Variants in SAMD13 observed in about 807,000 individuals in gnomAD.
SAMD13 encodes the protein sterile alpha motif domain containing 13.
SAMD13 carries 9 observed loss-of-function variants against 12.4 expected under a neutral mutation model. That is an observed-to-expected ratio of 0.72 (90% CI 0.44 to 1.26). SAMD13 has a LOEUF of 1.26. Ranked by LOEUF, SAMD13 falls within the 50% of genes most tolerant of loss-of-function variation. The pLI, the probability that SAMD13 is intolerant of heterozygous loss-of-function variation, is 0.00. For missense variants in SAMD13, 84 were observed against 119.6 expected (o/e 0.70, Z 1.39); for synonymous variants, 46 against 45.4 (o/e 1.01, Z -0.05).
Position 84,301,736 on chromosome 1 carries a change from A to G in SAMD13, c.-98A>G, listed in dbSNP as rs954905796. ...TTGCCAGCCTACTTTGTGAAAGAAAACATTGGGGTTTCTTTGGCTGTTCTT... is the reference window on the plus strand; with the variant it reads ...TTGCCAGCCTACTTTGTGAAAGAAAGCATTGGGGTTTCTTTGGCTGTTCTT... On this transcript the variant is annotated 5_prime_UTR_variant, in exon 1 of 4. Coordinates refer to ENST00000394834, the MANE Select transcript of SAMD13 (RefSeq NM_001134663.2). 1.0e-6 allele frequency: 1 copy of G among 985,246 alleles called. No individual in the cohort carries two copies. The highest frequency in any genetic ancestry group is 1.7e-5 in the African/African-American group (1 of 57,206). 61.0% of individuals were successfully genotyped at this position (985,246 alleles called of 1,614,324 possible).
chr1:84,346,791 T>C (rs1004656234), intron 3 of SAMD13, among the ~76,000 whole-genome samples: 1 of 152,232 alleles, frequency 6.6e-6, no homozygotes, highest in Non-Finnish European at 1.5e-5. Flanking sequence ...GTGTACAATT[T>C]TTATGAAACG....
intron 3 of SAMD13, among the ~76,000 whole-genome samples, chr1:84,328,729 ATCATCCT>A (rs1395736849): frequency 1.3e-5 from 2 of 152,180 alleles, no homozygotes; most frequent in African/African-American, 4.8e-5. Context: ...GCACCCACTC[ATCATCCT>A]GATTAGAAAA....
At chr1:84,302,680 G>A in intron 1 of SAMD13, 1 of 986,100 alleles carries the variant, frequency 1.0e-6, no homozygotes, top group Non-Finnish European at 1.2e-6. Context: ...GGCTTTCGTT[G>A]AGAATGTGAG....
chr1:84,304,646 G>A (rs1678527251), intron 2 of SAMD13, among the ~76,000 whole-genome samples: 1 of 151,848 alleles, frequency 6.6e-6, no homozygotes, highest in Non-Finnish European at 1.5e-5. Flanking sequence ...ACGACCTTTT[G>A]TAATCTCTCC....
At chr1:84,344,440 G>A (rs1276425399) in intron 3 of SAMD13, among the ~76,000 whole-genome samples, 1 of 152,152 alleles carries the variant, frequency 6.6e-6, no homozygotes, top group Non-Finnish European at 1.5e-5. Context: ...TGAGCTCATA[G>A]TCACTCCACC....
At chr1:84,335,697 C>CTTAT (rs1325347257) in intron 3 of SAMD13, among the ~76,000 whole-genome samples, 6 of 152,154 alleles carry the variant, frequency 3.9e-5, no homozygotes, top group Non-Finnish European at 8.8e-5. Flanking sequence ...CTTTCCTCTC[C>CTTAT]TTATTTAGCA....
At chr1:84,302,547 C>T (rs766150570) in intron 1 of SAMD13, 6 of 199,192 alleles carry the variant, frequency 3.0e-5, no homozygotes, top group Admixed American at 3.0e-4. Context: ...CACATACACA[C>T]ACACACACAC....
chr1:84,323,665 G>T (rs1678996123), intron 2 of SAMD13, among the ~76,000 whole-genome samples: 1 of 152,080 alleles, frequency 6.6e-6, no homozygotes, highest in East Asian at 1.9e-4. Flanking sequence ...TTATGCTGGG[G>T]GATGAGGTGG....
intron 3 of SAMD13, among the ~76,000 whole-genome samples, chr1:84,329,126 G>A (rs1479964193): frequency 6.6e-6 from 1 of 152,060 alleles, no homozygotes; most frequent in Non-Finnish European, 1.5e-5. Flanking sequence ...CCCCCATGAT[G>A]AGATCAATGC....
intron 3 of SAMD13, among the ~76,000 whole-genome samples, chr1:84,328,137 G>T (rs1282283438): frequency 2.0e-5 from 3 of 152,152 alleles, no homozygotes; most frequent in Non-Finnish European, 4.4e-5. Flanking sequence ...ATCCCAGACT[G>T]GGGGCACACG....
chr1:84,311,111 A>C (rs976477615), intron 2 of SAMD13, among the ~76,000 whole-genome samples: 2 of 151,988 alleles, frequency 1.3e-5, no homozygotes, highest in African/African-American at 4.8e-5. Context: ...CGAGGCAGGC[A>C]GATCACTTGA....
chr1:84,339,267 TG>T (rs1357202594), intron 3 of SAMD13, among the ~76,000 whole-genome samples: 1 of 152,208 alleles, frequency 6.6e-6, no homozygotes, highest in African/African-American at 2.4e-5. Context: ...TGTTTTGTTT[TG>T]TTTTTTGTTT....
intron 3 of SAMD13, among the ~76,000 whole-genome samples, chr1:84,334,138 T>C (rs1191332511): frequency 6.6e-6 from 1 of 152,106 alleles, no homozygotes; most frequent in Non-Finnish European, 1.5e-5. Flanking sequence ...GTACCAGCTC[T>C]TCTTTATAAA....
chr1:84,337,290 G>A (rs1184383627), intron 3 of SAMD13, among the ~76,000 whole-genome samples: 2 of 152,188 alleles, frequency 1.3e-5, no homozygotes, highest in Non-Finnish European at 2.9e-5. Flanking sequence ...TGCCCTAGCA[G>A]AGATTCTCCA....
chr1:84,322,484 A>AGTTGTAAGTGCTCTCTG (rs1323364450), intron 2 of SAMD13, among the ~76,000 whole-genome samples: 8 of 152,136 alleles, frequency 5.3e-5, no homozygotes, highest in African/African-American at 1.9e-4. Flanking sequence ...ACAGATTTTA[A>AGTTGTAAGTGCTCTCTG]GTTGTAAGTG....
chr1:84,328,530 A>G (rs1202094625), intron 3 of SAMD13, among the ~76,000 whole-genome samples: 1 of 152,102 alleles, frequency 6.6e-6, no homozygotes, highest in Non-Finnish European at 1.5e-5. Flanking sequence ...TTTTCCCATT[A>G]AAGGACTGGA....
chr1:84,331,828 T>G (rs1256900487), intron 3 of SAMD13, among the ~76,000 whole-genome samples: 2 of 152,144 alleles, frequency 1.3e-5, no homozygotes, highest in African/African-American at 4.8e-5. Flanking sequence ...ACAGATTATT[T>G]CATCACCCAA....
chr1:84,300,838 T>G (rs78954445), upstream of SAMD13, among the ~76,000 whole-genome samples: 2 of 152,194 alleles, frequency 1.3e-5, no homozygotes, highest in East Asian at 3.8e-4. Flanking sequence ...TTTAGGATGA[T>G]GGCGGGAGAG....
At chr1:84,303,557 G>C (rs1229906203) in intron 2 of SAMD13, 1 of 286,696 alleles carries the variant, frequency 3.5e-6, no homozygotes, top group Admixed American at 4.3e-5. Flanking sequence ...TTTCAGCCCT[G>C]CATTCTGTAT....
Sources: gnomAD v4.1 joint callset for allele counts (sites outside exome capture counted in the v4.1 genomes callset) on GRCh38, gnomAD v4.1.1 for gene constraint, MANE v1.5 for transcripts, NCBI Gene and HGNC (gene_info 2026-07-23, HGNC 2026-07-21) for gene names.